IQGAP2: variants seen among roughly 807,000 people sequenced by gnomAD.
IQGAP2 encodes the protein IQ motif containing GTPase activating protein 2, also known as ras GTPase-activating-like protein IQGAP2.
In IQGAP2, 173 loss-of-function variants were observed where a neutral mutation model predicts 201.3. The observed-to-expected ratio is 0.86, with a 90% confidence interval of 0.76 to 0.98. The LOEUF is 0.98. Ranked by LOEUF, IQGAP2 falls within the 50% of genes least tolerant of loss-of-function variation. The probability of loss-of-function intolerance (pLI) is 0.00; values close to 1 mark genes in which losing one functional copy is unlikely to be tolerated. For missense variants in IQGAP2, 1,687 were observed against 1,864.8 expected, an observed-to-expected ratio of 0.90 and a Z score of 1.76; for synonymous variants, 675 against 673.9, an observed-to-expected ratio of 1.00 and a Z score of -0.03.
intron 17 of IQGAP2, among the ~76,000 whole-genome samples, chr5:76,646,825 C>T (rs1282453621): frequency 6.6e-6 from 1 of 151,866 alleles, no homozygotes; most frequent in Non-Finnish European, 1.5e-5. Flanking sequence ...TAATTTTATT[C>T]CTTTATATTT....
At chr5:76,478,615 G>A (rs1198180997) in intron 2 of IQGAP2, among the ~76,000 whole-genome samples, 3 of 152,098 alleles carry the variant, frequency 2.0e-5, no homozygotes, top group Non-Finnish European at 4.4e-5. Flanking sequence ...GCTACAGGCC[G>A]GGCCCCCTTT....
At chr5:76,692,550 C>T (rs1746361170) in intron 30 of IQGAP2, among the ~76,000 whole-genome samples, 1 of 152,024 alleles carries the variant, frequency 6.6e-6, no homozygotes, top group Admixed American at 6.6e-5. Context: ...ATGTTAAAAC[C>T]TTTGTACGTA....
At chr5:76,662,754 C>G (rs1743374336) in intron 21 of IQGAP2, among the ~76,000 whole-genome samples, 1 of 152,210 alleles carries the variant, frequency 6.6e-6, no homozygotes, top group African/African-American at 2.4e-5. Flanking sequence ...TGACCTCTAT[C>G]TGGTGGTAAC....
At chr5:76,580,389 C>T (rs531531571) in intron 5 of IQGAP2, among the ~76,000 whole-genome samples, 4 of 151,746 alleles carry the variant, frequency 2.6e-5, no homozygotes, top group East Asian at 1.9e-4. Flanking sequence ...GCCAAGATCG[C>T]GCCACTGCAC....
At chr5:76,691,285 T>G (rs1392204993) in intron 30 of IQGAP2, among the ~76,000 whole-genome samples, 2 of 152,182 alleles carry the variant, frequency 1.3e-5, no homozygotes, top group Non-Finnish European at 2.9e-5. Flanking sequence ...CTTGAGCAAA[T>G]AAACATTCTT....
At chr5:76,598,093 G>A (rs76216551) in intron 10 of IQGAP2, among the ~76,000 whole-genome samples, 4,215 of 152,176 alleles carry the variant, frequency 0.028, 181 homozygotes, top group African/African-American at 0.096. Flanking sequence ...TTAAGAACAT[G>A]TTTACTAACA....
At chr5:76,573,205 T>C (rs962398802) in intron 4 of IQGAP2, among the ~76,000 whole-genome samples, 2 of 152,232 alleles carry the variant, frequency 1.3e-5, no homozygotes, top group Non-Finnish European at 2.9e-5. Flanking sequence ...TTTGATAGAT[T>C]TGATGTAAAC....
At chr5:76,618,336 C>CT (rs1468199561) in intron 13 of IQGAP2, 1 of 1,614,154 alleles carries the variant, frequency 6.2e-7, no homozygotes, top group Non-Finnish European at 8.5e-7. Flanking sequence ...ACAGATGGAT[C>CT]TGGTCCTGAA....
At chr5:76,507,795 A>G (rs1351596631) in intron 2 of IQGAP2, among the ~76,000 whole-genome samples, 1 of 150,898 alleles carries the variant, frequency 6.6e-6, no homozygotes, top group Non-Finnish European at 1.5e-5. Context: ...GCGGATCATA[A>G]GGTCAGGAGT....
At chr5:76,695,385 T>G in intron 31 of IQGAP2, 69 bp from the exon 32 acceptor site, 1 of 1,301,116 alleles carries the variant, frequency 7.7e-7, no homozygotes, top group South Asian at 1.2e-5. Flanking sequence ...TTAACTTGCA[T>G]TGTGTAGCTT....
intron 30 of IQGAP2, among the ~76,000 whole-genome samples, chr5:76,690,644 C>G (rs917628372): frequency 2.0e-5 from 3 of 151,376 alleles, no homozygotes; most frequent in African/African-American, 4.8e-5. Flanking sequence ...TTTCTAGAAG[C>G]CTTATTTTAA....
intron 27 of IQGAP2, among the ~76,000 whole-genome samples, chr5:76,676,115 A>G (rs1475854546): frequency 2.0e-5 from 3 of 150,378 alleles, no homozygotes; most frequent in Non-Finnish European, 4.4e-5. Flanking sequence ...ACACACACAC[A>G]CACACACAAA....
At chr5:76,608,844 A>G (rs1403899651) in intron 12 of IQGAP2, 3 of 331,278 alleles carry the variant, frequency 9.1e-6, no homozygotes, top group Admixed American at 3.9e-5. Flanking sequence ...GGTAGGTACA[A>G]TTCTGTGTAG....
At chr5:76,509,029 A>ATGTGTGTGTG (rs70982616) in intron 2 of IQGAP2, among the ~76,000 whole-genome samples, 1 of 148,852 alleles carries the variant, frequency 6.7e-6, no homozygotes, top group African/African-American at 2.5e-5. Flanking sequence ...CTGTATATAT[A>ATGTGTGTGTG]TGTGTGTGTG....
At chr5:76,628,689 G>A (rs1414517103) in intron 14 of IQGAP2, 2 of 456,026 alleles carry the variant, frequency 4.4e-6, no homozygotes, top group African/African-American at 4.0e-5. Flanking sequence ...CCACAGATGG[G>A]CTTTTCAACC....
chr5:76,581,994 A>C (rs571888027), intron 5 of IQGAP2, among the ~76,000 whole-genome samples: 1 of 152,360 alleles, frequency 6.6e-6, no homozygotes, highest in South Asian at 2.1e-4. Context: ...ACACAAATGG[A>C]GCTTTTAACT....
intron 3 of IQGAP2, among the ~76,000 whole-genome samples, chr5:76,569,970 A>T (rs1425658855): frequency 6.6e-6 from 1 of 152,206 alleles, no homozygotes; most frequent in Admixed American, 6.5e-5. Context: ...GTAGAAAAAG[A>T]TCTTGTTAAA....
Position 76,592,824 on chromosome 5 carries a change from A to G in IQGAP2, c.820-14A>G. On this transcript the variant is annotated splice_polypyrimidine_tract_variant and intron_variant, in intron 8 of 35. Transcript: ENST00000274364. ...TATTTAACCTCAGAAATCAGTGAAG[A>G]CTTTGTTTTGCAGAATAGCTGTATT... The G allele has an allele frequency of 6.5e-7, 1 of 1,534,480 alleles. No homozygotes were observed. The highest frequency in any genetic ancestry group is 9.0e-7 in the Non-Finnish European group (1 of 1,110,432).
At chr5:76,609,964 G>A (rs1011503761) in intron 12 of IQGAP2, among the ~76,000 whole-genome samples, 14 of 147,004 alleles carry the variant, frequency 9.5e-5, no homozygotes, top group African/African-American at 3.3e-4. Context: ...AGATAGATCC[G>A]TTTCATTAGA....
Sources: gnomAD v4.1 joint callset for allele counts (sites outside exome capture counted in the v4.1 genomes callset) on GRCh38, gnomAD v4.1.1 for gene constraint, MANE v1.5 for transcripts, NCBI Gene and HGNC (gene_info 2026-07-23, HGNC 2026-07-21) for gene names.